Variants in FBXL20 observed in about 807,000 individuals in gnomAD.
FBXL20 encodes the protein F-box and leucine rich repeat protein 20.
FBXL20 carries 11 observed loss-of-function variants against 64.0 expected under a neutral mutation model. That is an observed-to-expected ratio of 0.17 (90% CI 0.11 to 0.28). FBXL20 has a LOEUF of 0.28. FBXL20 is among the 10% of genes least tolerant of loss of function. The pLI is 1.00. For missense variants in FBXL20, 303 were observed against 526.2 expected, an observed-to-expected ratio of 0.58 and a Z score of 4.15; for synonymous variants, 184 against 189.0, an observed-to-expected ratio of 0.97 and a Z score of 0.22.
At chr17:39,336,868 G>C (rs897575837) in intron 2 of FBXL20, among the ~76,000 whole-genome samples, 2 of 151,430 alleles carry the variant, frequency 1.3e-5, no homozygotes, top group Admixed American at 1.3e-4. Context: ...GAATTGAGCA[G>C]ACAGAAACCA....
Position 39,311,021 on chromosome 17 carries a change from C to T in FBXL20, c.105-7382G>A, listed in dbSNP as rs1487892505. Among the ~76,000 whole-genome samples the T allele has an allele frequency of 3.3e-5, 5 of 151,398 alleles. No homozygotes were observed. The East Asian group carries it at 7.8e-4, about 24-fold the overall frequency. ...AAAAAAACACACAAAAAATCAGCTG[C>T]GCATGGTGGTATGCACGTATATGTA... On this transcript the variant is annotated intron_variant, in intron 2 of 14. Coordinates refer to ENST00000264658, the MANE Select transcript of FBXL20 (RefSeq NM_032875.3).
At chr17:39,359,159 C>G (rs898409873) in intron 1 of FBXL20, among the ~76,000 whole-genome samples, 1 of 151,558 alleles carries the variant, frequency 6.6e-6, no homozygotes, top group Non-Finnish European at 1.5e-5. Context: ...CTGGCCAACC[C>G]CATATCTACA....
intron 2 of FBXL20, among the ~76,000 whole-genome samples, chr17:39,306,258 C>T (rs969862488): frequency 2.0e-5 from 3 of 151,216 alleles, no homozygotes; most frequent in Non-Finnish European, 2.9e-5. Flanking sequence ...TCACGTGATT[C>T]GCCTGTCTCA....
chr17:39,384,127 T>C (rs1385110820), intron 1 of FBXL20, among the ~76,000 whole-genome samples: 1 of 151,974 alleles, frequency 6.6e-6, no homozygotes, highest in Non-Finnish European at 1.5e-5. Context: ...TTCAGCTACT[T>C]GGGAGGGTAA....
intron 1 of FBXL20, among the ~76,000 whole-genome samples, chr17:39,377,923 G>C (rs1185769457): frequency 1.3e-5 from 2 of 152,112 alleles, no homozygotes; most frequent in Non-Finnish European, 2.9e-5. Context: ...TGAGGTGGTA[G>C]GATGGCTTGC....
Position 39,324,021 on chromosome 17 carries a change from C to A in FBXL20, c.104+19159G>T, listed in dbSNP as rs1014571054. ...CCTCGTGATCCAACCCCCTCCCCCC[C>A]CCACCCCCTGGCCTCCCAAAGTGCT... On this transcript the variant is annotated intron_variant, in intron 2 of 14. Transcript: ENST00000264658. Among the ~76,000 whole-genome samples, 13 of 140,774 alleles carry A rather than the reference C, an allele frequency of 9.2e-5. 1 individual carries two copies. The highest frequency in any genetic ancestry group is 2.3e-4 in the South Asian group (1 of 4,292). The allele number at this position is 140,774 out of a possible 152,430, so 92.4% of individuals were successfully genotyped here.
intron 2 of FBXL20, among the ~76,000 whole-genome samples, chr17:39,305,168 C>A (rs2047170745): frequency 6.6e-6 from 1 of 151,460 alleles, no homozygotes; most frequent in Non-Finnish European, 1.5e-5. Context: ...GAAAAAAAAA[C>A]CCAGAAACAA....
chr17:39,289,825 C>A (rs2047021140), intron 6 of FBXL20, among the ~76,000 whole-genome samples: 1 of 151,354 alleles, frequency 6.6e-6, no homozygotes, highest in African/African-American at 2.4e-5. Context: ...TGAAACCCTG[C>A]CTCTACTAAA....
intron 1 of FBXL20, among the ~76,000 whole-genome samples, chr17:39,344,909 C>T (rs2047618315): frequency 6.6e-6 from 1 of 152,172 alleles, no homozygotes; most frequent in Admixed American, 6.5e-5. Context: ...TTGATGCACT[C>T]AAGTGATCAT....
chr17:39,356,654 C>T (rs1357556783), intron 1 of FBXL20, among the ~76,000 whole-genome samples: 1 of 151,808 alleles, frequency 6.6e-6, no homozygotes, highest in African/African-American at 2.4e-5. Flanking sequence ...CTGCGCTCGG[C>T]CTACATTTGT....
chr17:39,386,460 C>CA (rs2048081107), intron 1 of FBXL20, among the ~76,000 whole-genome samples: 1 of 151,708 alleles, frequency 6.6e-6, no homozygotes, highest in Non-Finnish European at 1.5e-5. Context: ...TGAGTCTCTA[C>CA]AAAAAATACA....
intron 9 of FBXL20, 28 bp downstream of exon 9, chr17:39,281,361 C>G: frequency 1.2e-6 from 2 of 1,603,854 alleles, no homozygotes; most frequent in Non-Finnish European, 1.7e-6. Flanking sequence ...ATTACTAAAA[C>G]AGAAGAGTTG....
intron 14 of FBXL20, among the ~76,000 whole-genome samples, chr17:39,263,344 G>A (rs35622913): frequency 0.15 from 23,519 of 151,988 alleles, 2,659 homozygotes; most frequent in African/African-American, 0.33. Context: ...GTAAAATGCC[G>A]TCTCTACCAA....
intron 2 of FBXL20, among the ~76,000 whole-genome samples, chr17:39,307,862 T>C (rs1050646818): frequency 1.3e-5 from 2 of 151,596 alleles, no homozygotes; most frequent in African/African-American, 2.4e-5. Context: ...TCCTAGCTAC[T>C]TGGGAGGCTG....
chr17:39,401,884 G>C (rs1357883057), upstream of FBXL20: 4 of 405,616 alleles, frequency 9.9e-6, no homozygotes, highest in Admixed American at 4.9e-5. Context: ...GAGAAGGCGA[G>C]GCAGGGAAGT....
rs572356606 is a variant in FBXL20, at chr17:39,346,094, G to C, written c.43-2853C>G. On this transcript the variant is annotated intron_variant, in intron 1 of 14. Transcript: ENST00000264658. ...CCCAGCACTTTGGGAGGCCAAGGTG[G>C]GAGGATGGCTTGAGCTCAGGAGTTC... Among the ~76,000 whole-genome samples the C allele has an allele frequency of 1.4e-4, 21 of 152,208 alleles. No homozygotes were observed. In the South Asian group the frequency reaches 4.1e-3, roughly 30 times the overall value.
chr17:39,353,839 T>C (rs9898170), intron 1 of FBXL20, among the ~76,000 whole-genome samples: 48,164 of 151,812 alleles, frequency 0.32, 8,539 homozygotes, highest in African/African-American at 0.48. Context: ...GCCAGGATGG[T>C]CTCGACCTCT....
At chr17:39,394,278 CTTTT>C (rs529406292) in intron 1 of FBXL20, among the ~76,000 whole-genome samples, 1 of 134,288 alleles carries the variant, frequency 7.4e-6, no homozygotes, top group Admixed American at 7.8e-5. Context: ...ATTACTGAAA[CTTTT>C]TTTTTTTTTT....
At chr17:39,389,733 G>GA (rs2048117845) in intron 1 of FBXL20, among the ~76,000 whole-genome samples, 1 of 152,156 alleles carries the variant, frequency 6.6e-6, no homozygotes, top group Non-Finnish European at 1.5e-5. Context: ...CAGGAGGATG[G>GA]CGTGAACCCA....
Sources: allele counts gnomAD v4.1 joint callset (sites outside exome capture counted in the v4.1 genomes callset), GRCh38; gene constraint gnomAD v4.1.1; transcripts MANE v1.5; gene names NCBI Gene and HGNC (gene_info 2026-07-23, HGNC 2026-07-21).